Variants in DMRT1 observed in about 807,000 individuals in gnomAD.
DMRT1 encodes doublesex and mab-3 related transcription factor 1, also known as doublesex- and mab-3-related transcription factor 1.
A neutral mutation model predicts 32.3 loss-of-function variants in DMRT1; 7 were observed. The ratio of observed to expected loss-of-function variants is 0.22; its 90% CI spans 0.12 to 0.41. The LOEUF is 0.41. Among genes scored for constraint, DMRT1 ranks in the 10% least tolerant of loss-of-function variants. The pLI, the probability that DMRT1 is intolerant of heterozygous loss-of-function variation, is 1.00. For missense variants in DMRT1, 625 were observed against 500.5 expected, an observed-to-expected ratio of 1.25 and a Z score of -2.37; for synonymous variants, 278 against 206.1, an observed-to-expected ratio of 1.35 and a Z score of -2.99.
chr9:952,967 C>G (rs1819478224), intron 4 of DMRT1, among the ~76,000 whole-genome samples: 1 of 152,140 alleles, frequency 6.6e-6, no homozygotes, highest in East Asian at 1.9e-4. Context: ...AGGAGATATT[C>G]TCATAGCCTA....
At chr9:963,948 G>C (rs1819854124) in intron 4 of DMRT1, among the ~76,000 whole-genome samples, 1 of 152,208 alleles carries the variant, frequency 6.6e-6, no homozygotes, top group Non-Finnish European at 1.5e-5. Context: ...TTGGCAGTCA[G>C]CATCTAGATG....
intron 4 of DMRT1, among the ~76,000 whole-genome samples, chr9:936,881 A>T (rs1483486589): frequency 3.3e-5 from 5 of 152,202 alleles, no homozygotes; most frequent in Admixed American, 3.3e-4. Flanking sequence ...TTTTAAGCAT[A>T]CAATTCAGTA....
chr9:886,911 T>A (rs940274428), intron 2 of DMRT1, among the ~76,000 whole-genome samples: 3 of 152,184 alleles, frequency 2.0e-5, no homozygotes, highest in African/African-American at 7.2e-5. Context: ...CCTCTGTCAG[T>A]CTGGGCAAGG....
chr9:944,502 T>C (rs78538410), intron 4 of DMRT1, among the ~76,000 whole-genome samples: 4,947 of 152,296 alleles, frequency 0.032, 325 homozygotes, highest in East Asian at 0.19. Flanking sequence ...CATGGTAAAA[T>C]AAAACTGATT....
At chr9:910,093 G>A (rs1817920829) in intron 3 of DMRT1, among the ~76,000 whole-genome samples, 2 of 152,118 alleles carry the variant, frequency 1.3e-5, no homozygotes, top group Non-Finnish European at 2.9e-5. Context: ...CATTAAGACT[G>A]TTCCCCTTTC....
At chr9:858,868 AAAATAT>A (rs1214927767) in intron 2 of DMRT1, among the ~76,000 whole-genome samples, 23 of 17,176 alleles carry the variant, frequency 1.3e-3, no homozygotes, top group African/African-American at 4.0e-3. Flanking sequence ...AAAAAAAAAA[AAAATAT>A]ATATATATAT....
chr9:856,608 G>C (rs1043209668), intron 2 of DMRT1, among the ~76,000 whole-genome samples: 2 of 152,022 alleles, frequency 1.3e-5, no homozygotes, highest in Admixed American at 6.6e-5. Context: ...TCATCATATG[G>C]ATATATACCA....
At chr9:847,859 A>C (rs1363023476) in intron 2 of DMRT1, among the ~76,000 whole-genome samples, 1 of 152,254 alleles carries the variant, frequency 6.6e-6, no homozygotes, top group Non-Finnish European at 1.5e-5. Context: ...ACAATGAAAT[A>C]AATGAAAACA....
At chr9:873,388 C>T (rs4742520) in intron 2 of DMRT1, among the ~76,000 whole-genome samples, 13,959 of 151,892 alleles carry the variant, frequency 0.092, 876 homozygotes, top group East Asian at 0.19. Context: ...TCACCATAAC[C>T]TCCACCTCCC....
At chr9:940,789 A>G (rs943044863) in intron 4 of DMRT1, among the ~76,000 whole-genome samples, 2 of 152,200 alleles carry the variant, frequency 1.3e-5, no homozygotes, top group African/African-American at 4.8e-5. Flanking sequence ...TGCAAATCAT[A>G]TGTCTGATAA....
chr9:950,463 G>C lies in DMRT1; in HGVS notation c.968-17522G>C, dbSNP rs140051852. 4.6e-3 allele frequency among the ~76,000 whole-genome samples: 693 copies of C among 152,124 alleles called. 4 individuals are homozygous for C. Among genetic ancestry groups the C allele is most frequent in the African/African-American group, 0.016 (663 of 41,500 alleles). Reference sequence around the variant, plus strand: ...TGATACTCAGCAGTCATGTGAGCTTGGGCATGTTAATCTGAGTCTGTTTTT... The same window carrying C: ...TGATACTCAGCAGTCATGTGAGCTTCGGCATGTTAATCTGAGTCTGTTTTT... On this transcript the variant is annotated intron_variant, in intron 4 of 4. Coordinates refer to ENST00000382276, the MANE Select transcript of DMRT1 (RefSeq NM_021951.3).
chr9:873,712 T>G (rs915284940), intron 2 of DMRT1, among the ~76,000 whole-genome samples: 6 of 152,042 alleles, frequency 3.9e-5, no homozygotes, highest in Non-Finnish European at 5.9e-5. Context: ...GTGGCAAAGG[T>G]GAGGTGAAAG....
intron 3 of DMRT1, among the ~76,000 whole-genome samples, chr9:916,060 A>G (rs992666728): frequency 2.0e-5 from 3 of 152,122 alleles, no homozygotes; most frequent in Non-Finnish European, 4.4e-5. Flanking sequence ...CTCTCCTTAT[A>G]TGAACACTGT....
chr9:939,098 C>A (rs1340644626), intron 4 of DMRT1, among the ~76,000 whole-genome samples: 1 of 152,244 alleles, frequency 6.6e-6, no homozygotes, highest in Non-Finnish European at 1.5e-5. Flanking sequence ...CCCATTTATG[C>A]CTGTGCATCC....
chr9:870,415 T>TAACAACAACAAC (rs1554747355), intron 2 of DMRT1, among the ~76,000 whole-genome samples: 1 of 151,528 alleles, frequency 6.6e-6, no homozygotes, highest in South Asian at 2.1e-4. Flanking sequence ...ACAACAACAA[T>TAACAACAACAAC]AACAACAACA....
At chr9:916,654 GAGCC>G in intron 3 of DMRT1, 105 bp from the exon 4 acceptor site, 2 of 1,367,196 alleles carry the variant, frequency 1.5e-6, no homozygotes, top group Non-Finnish European at 2.1e-6. Flanking sequence ...ACATAGGCAT[GAGCC>G]ACTGTGCCCA....
chr9:871,539 C>T (rs1816258333), intron 2 of DMRT1, among the ~76,000 whole-genome samples: 1 of 140,500 alleles, frequency 7.1e-6, no homozygotes, highest in Non-Finnish European at 1.5e-5. Flanking sequence ...GACGGGGTTT[C>T]ACCGTGTTAG....
At chr9:911,745 G>A (rs1485045289) in intron 3 of DMRT1, among the ~76,000 whole-genome samples, 1 of 152,138 alleles carries the variant, frequency 6.6e-6, no homozygotes, top group Non-Finnish European at 1.5e-5. Context: ...ACTCACCACA[G>A]CCTTCCAAAA....
rs1466524721 is a variant in DMRT1 at position 916,911 on chromosome 9, G to C, written c.967+4G>C. The C allele has an allele frequency of 1.1e-5, 17 of 1,614,164 alleles. No individual in the cohort carries two copies. The highest frequency in any genetic ancestry group is 1.7e-4 in the Middle Eastern group (1 of 6,060). The stretch of plus-strand genomic sequence containing the variant: ...TACCCGGAAGCCAGGGCGAGCGGTA[G>C]GTGTCTGGTCACACAGACTGGATTT... On this transcript the variant is annotated splice_donor_region_variant and intron_variant, in intron 4 of 4. Coordinates refer to ENST00000382276, the MANE Select transcript of DMRT1 (RefSeq NM_021951.3).
Sources: gnomAD v4.1 joint callset for allele counts (sites outside exome capture counted in the v4.1 genomes callset) on GRCh38, gnomAD v4.1.1 for gene constraint, MANE v1.5 for transcripts, NCBI Gene and HGNC (gene_info 2026-07-23, HGNC 2026-07-21) for gene names.